ZNF302: variants seen among roughly 807,000 people sequenced by gnomAD.
ZNF302 encodes the protein zinc finger protein 302.
In ZNF302, 12 loss-of-function variants were observed where a neutral mutation model predicts 10.8. That is an observed-to-expected ratio of 1.11 (90% confidence interval 0.71 to 1.79). The LOEUF (loss-of-function observed/expected upper bound fraction) is 1.79, where lower values mean the gene tolerates loss of function less well. ZNF302 is among the 40% of genes most tolerant of loss of function. The probability of loss-of-function intolerance (pLI) is 0.00; values close to 1 mark genes in which losing one functional copy is unlikely to be tolerated. For synonymous variants in ZNF302, 178 were observed against 157.5 expected, an observed-to-expected ratio of 1.13 and a Z score of -0.98; for missense variants, 461 against 471.1, an observed-to-expected ratio of 0.98 and a Z score of 0.20.
At chr19:34,676,027 A>AG (rs2067928095), upstream of ZNF302, 1 of 152,248 alleles carries the variant, frequency 6.6e-6, no homozygotes, top group Non-Finnish European at 1.5e-5. Flanking sequence ...AGTAGACCCC[A>AG]GCGCGGTTGC....
intron 2 of ZNF302, chr19:34,681,303 T>A (rs1291028888): frequency 1.3e-5 from 2 of 152,260 alleles, no homozygotes; most frequent in East Asian, 3.8e-4. Flanking sequence ...TATTTAAACT[T>A]CTAAAGTTTT....
At position 34,685,746 on chromosome 19, in the gene ZNF302, G is replaced by A. The variant is rs1397917636; in HGVS notation, c.*509G>A. On this transcript the variant is annotated 3_prime_UTR_variant, in exon 5 of 5. Coordinates refer to ENST00000505242, the MANE Select transcript of ZNF302 (RefSeq NM_001289187.2). ...AGGTGGTGAACATGGGAGACTTTTA[G>A]CAATGATGCAGATTTTTTTATTAGA... The A allele has an allele frequency of 8.8e-6, 5 of 571,242 alleles. No individual in the cohort carries two copies. The highest frequency in any genetic ancestry group is 8.1e-5 in the East Asian group (3 of 36,928). The allele number at this position is 571,242 out of a possible 1,614,324, so 35.4% of individuals were successfully genotyped here. A position where few individuals can be genotyped will look rare whatever the true frequency, so the allele number is the denominator to read the frequency against.
At position 34,684,331 on chromosome 19, in the gene ZNF302, A is replaced by C. The variant is rs764814308; in HGVS notation, c.294A>C (p.Thr98=). 3 of 1,597,960 alleles carry C rather than the reference A, an allele frequency of 1.9e-6. No individual in the cohort carries two copies. Among genetic ancestry groups the C allele is most frequent in the East Asian group, 2.2e-5 (1 of 44,688 alleles). The change falls in exon 5 of 5, where the codon ACA becomes ACC. Residue 98 remains threonine (T), a synonymous_variant. Coordinates refer to ENST00000505242, the MANE Select transcript of ZNF302 (RefSeq NM_001289187.2). ...ATGAAGATTCACCCCAACCAGTAACAATGGAAAAAGTTGTAAAACAAAGTT... is the reference window on the plus strand; with the variant it reads ...ATGAAGATTCACCCCAACCAGTAACCATGGAAAAAGTTGTAAAACAAAGTT... The part of the protein sequence containing the change: ...IYDEDSPQPV[T]MEKVVKQSYE...
chr19:34,679,580 C>T (rs1239231806), intron 2 of ZNF302, among the ~76,000 whole-genome samples: 1 of 152,194 alleles, frequency 6.6e-6, no homozygotes, highest in Non-Finnish European at 1.5e-5. Context: ...CCCCCACATA[C>T]GCACAAGCTT....
At chr19:34,682,994 A>T in intron 3 of ZNF302, 97 bp downstream of exon 3, 3 of 1,579,748 alleles carry the variant, frequency 1.9e-6, no homozygotes, top group Non-Finnish European at 2.6e-6. Context: ...GAATTTCTGT[A>T]CCATGCTCCC....
chr19:34,679,605 T>G (rs1157098339), intron 2 of ZNF302, among the ~76,000 whole-genome samples: 6 of 152,204 alleles, frequency 3.9e-5, no homozygotes, highest in Non-Finnish European at 1.5e-5. Flanking sequence ...CCTTATCTCC[T>G]TCTGTGTTTG....
Position 34,684,961 on chromosome 19 carries a change from G to A in ZNF302, c.924G>A (p.Thr308=), listed in dbSNP as rs539986870. Residue 308 remains threonine (T), a synonymous_variant, in exon 5 of 5, where the codon ACG becomes ACA. Coordinates refer to ENST00000505242, the MANE Select transcript of ZNF302 (RefSeq NM_001289187.2). The part of the protein sequence containing the change: ...SLLIQHLRIH[T]QEKRYECRIC... Reference sequence around the variant, plus strand: ...TCATTCAGCATCTAAGAATTCATACGCAAGAAAAACGCTATGAGTGTCGTA... The same window carrying A: ...TCATTCAGCATCTAAGAATTCATACACAAGAAAAACGCTATGAGTGTCGTA... The A allele has an allele frequency of 3.1e-5, 50 of 1,613,922 alleles. No homozygotes were observed. Among genetic ancestry groups the A allele is most frequent in the African/African-American group, 2.4e-4 (18 of 74,996 alleles).
Position 34,684,900 on chromosome 19 carries a change from T to C in ZNF302, c.863T>C (p.Met288Thr), listed in dbSNP as rs780805422. The change falls in exon 5 of 5, where the codon ATG (methionine) becomes ACG (threonine). Residue 288 changes from methionine (M) to threonine (T), a missense_variant. Physicochemically the swap from Met to Thr is moderately conservative, Grantham distance 81. Transcript: ENST00000505242. ...THTGEKPYEC[M>T]NCGKSFSRVS... ...ACGGGAGAGAAACCGTATGAATGTA[T>C]GAACTGTGGAAAGTCTTTTAGTCGT... 1.9e-6 allele frequency: 3 copies of C among 1,613,946 alleles called. No individual in the cohort carries two copies. The highest frequency in any genetic ancestry group is 1.1e-5 in the South Asian group (1 of 91,068).
Position 34,685,154 on chromosome 19 carries a change from A to T in ZNF302, c.1117A>T (p.Lys373Ter). The T allele has an allele frequency of 6.2e-7, 1 of 1,610,190 alleles. No individual in the cohort carries two copies. Among genetic ancestry groups the T allele is most frequent in the Non-Finnish European group, 8.5e-7 (1 of 1,178,650 alleles). Residue 373 changes from lysine to a stop codon, truncating the protein, a stop_gained, in exon 5 of 5, where the codon AAA becomes TAA. Transcript: ENST00000505242. LOFTEE classifies it low-confidence loss of function (END_TRUNC). ...TATGAAGAAAAAATATGAATGCAACAAATGTCTCAAGGTCTTTAGTAGCTT... is the reference window on the plus strand; with the variant it reads ...TATGAAGAAAAAATATGAATGCAACTAATGTCTCAAGGTCTTTAGTAGCTT... ...HSMKKKYECN[K>*]CLKVFSSFSF...
chr19:34,678,590 C>T lies in ZNF302; in HGVS notation c.-68-147C>T, dbSNP rs943978166. 9.0e-6 allele frequency: 5 copies of T among 554,602 alleles called. No homozygotes were observed. The Admixed American group carries it at 1.6e-4, about 18-fold the overall frequency. 34.4% of individuals were successfully genotyped at this position (554,602 alleles called of 1,614,324 possible). Reference sequence around the variant, plus strand: ...GGTGGCACCTGGTAAATAGCCCTTGCGGAGAAACACCCTGTTCCTTCCCAG... The same window carrying T: ...GGTGGCACCTGGTAAATAGCCCTTGTGGAGAAACACCCTGTTCCTTCCCAG... On this transcript the variant is annotated intron_variant, in intron 1 of 4. Coordinates refer to ENST00000505242, the MANE Select transcript of ZNF302 (RefSeq NM_001289187.2).
chr19:34,683,912 G>C, intron 4 of ZNF302: 1 of 1,164,704 alleles, frequency 8.6e-7, no homozygotes, highest in African/African-American at 1.6e-5. Flanking sequence ...ACAAAATGAT[G>C]ATTTGTAATC....
chr19:34,682,558 TTATTG>T, intron 2 of ZNF302: 2 of 485,890 alleles, frequency 4.1e-6, no homozygotes, highest in Non-Finnish European at 6.8e-6. Context: ...TCTCTCATTC[TTATTG>T]TATAAAAATT....
At chr19:34,678,678 T>C in intron 1 of ZNF302, 59 bp from the exon 2 acceptor site, 1 of 924,774 alleles carries the variant, frequency 1.1e-6, no homozygotes, top group Non-Finnish European at 1.7e-6. Flanking sequence ...GTGTGACAGG[T>C]GCCGCAAGAT....
rs2068609646 is a variant in ZNF302, at chr19:34,685,397, G to A, written c.*160G>A. ...TATTCATACTGGAGAGAAACCTTAC[G>A]AATGTATTAAATGTGGGAAGACCTT... On this transcript the variant is annotated 3_prime_UTR_variant, in exon 5 of 5. Transcript: ENST00000505242. The A allele has an allele frequency of 8.7e-6, 14 of 1,609,358 alleles. No homozygotes were observed. Among genetic ancestry groups the A allele is most frequent in the African/African-American group, 2.7e-5 (2 of 74,784 alleles).
Position 34,678,779 on chromosome 19 carries a change from T to A in ZNF302, c.-26T>A, listed in dbSNP as rs985155707. On this transcript the variant is annotated 5_prime_UTR_variant, in exon 2 of 5. Transcript: ENST00000505242. ...AGATAAGAACCTGGAAAGGGGACTC[T>A]GTTGGCCATTGGAAATTGCAGAATA... The A allele has an allele frequency of 2.5e-6, 4 of 1,613,766 alleles. No individual in the cohort carries two copies. In the African/African-American group the frequency reaches 5.3e-5, roughly 22 times the overall value.
chr19:34,682,572 T>C lies in ZNF302; in HGVS notation c.10-205T>C, dbSNP rs575932837. ...GTCTCTCATTCTTATTGTATAAAAA[T>C]TCTAAGCACATAACTGTCCCCTTTA... On this transcript the variant is annotated intron_variant, in intron 2 of 4. Coordinates refer to ENST00000505242, the MANE Select transcript of ZNF302 (RefSeq NM_001289187.2). 38 of 554,864 alleles carry C rather than the reference T, an allele frequency of 6.8e-5. No individual in the cohort carries two copies. In the East Asian group the frequency reaches 1.4e-3, roughly 21 times the overall value. 34.4% of individuals were successfully genotyped at this position (554,864 alleles called of 1,614,324 possible).
At position 34,684,755 on chromosome 19, in the gene ZNF302, C is replaced by A. The variant is rs200456634; in HGVS notation, c.718C>A (p.His240Asn). 5 of 1,613,792 alleles carry A rather than the reference C, an allele frequency of 3.1e-6. No individual in the cohort carries two copies. In the Admixed American group the frequency reaches 5.0e-5, roughly 16 times the overall value. Reference sequence around the variant, plus strand: ...TCGTGAATGTGGGAAGACTTTTAGCCATGGTTCATCCCTTACACGACATCA... The same window carrying A: ...TCGTGAATGTGGGAAGACTTTTAGCAATGGTTCATCCCTTACACGACATCA... ...ECRECGKTFS[H>N]GSSLTRHQIS... The change falls in exon 5 of 5, where the codon CAT (histidine) becomes AAT (asparagine). Residue 240 changes from histidine to asparagine, a missense_variant. Transcript: ENST00000505242.
Position 34,684,284 on chromosome 19 carries a change from T to A in ZNF302, c.247T>A (p.Ser83Thr). The part of the protein sequence containing the change: ...WESRWENKEL[S>T]TKKDIYDEDS... ...ATCAAGATGGGAAAACAAGGAATTA[T>A]CAACAAAGAAGGATATTTATGATGA... is the stretch of plus-strand genomic sequence containing the variant. Residue 83 changes from serine to threonine, a missense_variant, in exon 5 of 5, where the codon TCA (serine) becomes ACA (threonine). Transcript: ENST00000505242. 2 of 1,557,326 alleles carry A rather than the reference T, an allele frequency of 1.3e-6. No individual in the cohort carries two copies. The highest frequency in any genetic ancestry group is 4.7e-5 in the East Asian group (2 of 42,938).
intron 1 of ZNF302, among the ~76,000 whole-genome samples, chr19:34,678,326 G>A (rs12977444): frequency 0.11 from 17,386 of 151,324 alleles, 1,180 homozygotes; most frequent in South Asian, 0.26. Context: ...CCAGCTATTC[G>A]AGAGGTTGAG....
Sources: allele counts gnomAD v4.1 joint callset (sites outside exome capture counted in the v4.1 genomes callset), GRCh38; gene constraint gnomAD v4.1.1; transcripts MANE v1.5; gene names NCBI Gene and HGNC (gene_info 2026-07-23, HGNC 2026-07-21).